The following CYB5R3 variants were observed in gnomAD, a reference collection of about 807,000 sequenced individuals.
CYB5R3 encodes the protein cytochrome b5 reductase 3, also known as NADH-cytochrome b5 reductase 3.
A neutral mutation model predicts 36.5 loss-of-function variants in CYB5R3; 28 were observed. That is an observed-to-expected ratio of 0.77 (90% CI 0.57 to 1.05). The LOEUF (loss-of-function observed/expected upper bound fraction) is 1.05. Among genes scored for constraint, CYB5R3 ranks in the 50% least tolerant of loss-of-function variants. The pLI is 0.00. For missense variants in CYB5R3, 474 were observed against 408.9 expected, an observed-to-expected ratio of 1.16 and a Z score of -1.37; for synonymous variants, 181 against 159.8, an observed-to-expected ratio of 1.13 and a Z score of -1.00.
rs12171176 is a variant in CYB5R3 at position 42,638,963 on chromosome 22, G to A, written c.22-2117C>T. 3.8e-4 allele frequency: 137 copies of A among 358,448 alleles called. No homozygotes were observed. The East Asian group carries it at 4.9e-3, about 13-fold the overall frequency. The allele number at this position is 358,448 out of a possible 1,614,324, so 22.2% of individuals were successfully genotyped here. A position where few individuals can be genotyped will look rare whatever the true frequency, so the allele number is the denominator to read the frequency against. ...GCAGGAGAAATGCTTGAAGCTAGGA[G>A]ATGGAGGTTGCAGTGAGCCGAGATC... On this transcript the variant is annotated intron_variant, in intron 1 of 8. Coordinates refer to ENST00000352397, the MANE Select transcript of CYB5R3 (RefSeq NM_000398.7).
chr22:42,623,735 T>C (rs1928109473), intron 8 of CYB5R3, 54 bp downstream of exon 8: 1 of 1,460,374 alleles, frequency 6.8e-7, no homozygotes, highest in African/African-American at 1.4e-5. Context: ...TGGGCAAAGG[T>C]GAACTGTGGG....
At chr22:42,645,025 G>A (rs896981956) in intron 1 of CYB5R3, among the ~76,000 whole-genome samples, 1 of 152,150 alleles carries the variant, frequency 6.6e-6, no homozygotes, top group African/African-American at 2.4e-5. Flanking sequence ...CTGATTTTCT[G>A]TTGCTTTCCC....
In CYB5R3 at chr22:42,628,186, C is replaced by T. The variant is rs1246723828; in HGVS notation, c.429G>A (p.Arg143=). 1.9e-6 allele frequency: 3 copies of T among 1,614,138 alleles called. No individual in the cohort carries two copies. Among genetic ancestry groups the T allele is most frequent in the Middle Eastern group, 1.6e-4 (1 of 6,062 alleles). The change falls in exon 5 of 9, where the codon CGG becomes CGA. Residue 143 remains arginine, a synonymous_variant. Coordinates refer to ENST00000352397, the MANE Select transcript of CYB5R3 (RefSeq NM_000398.7). ...SMQIGDTIEF[R]GPSGLLVYQG... is the part of the protein sequence containing the mutation. ...GGTAGACCAGCAGCCCACTGGGGCC[C>T]CGGAACTCAATGGTGTCTCCAATCT...
intron 1 of CYB5R3, among the ~76,000 whole-genome samples, chr22:42,639,255 C>T (rs1344409543): frequency 2.1e-5 from 3 of 143,286 alleles, no homozygotes; most frequent in Non-Finnish European, 4.5e-5. Context: ...ACCTGGGAGG[C>T]GGAGGTAGCA....
intron 1 of CYB5R3, among the ~76,000 whole-genome samples, chr22:42,648,564 G>GGGAC (rs199960666): frequency 0.016 from 2,481 of 152,262 alleles, 64 homozygotes; most frequent in African/African-American, 0.057. Flanking sequence ...GCAGCGTTGT[G>GGGAC]GGACGGTGGC....
chr22:42,625,352 T>C (rs1424638525), intron 7 of CYB5R3, among the ~76,000 whole-genome samples: 4 of 151,876 alleles, frequency 2.6e-5, no homozygotes, highest in African/African-American at 9.7e-5. Flanking sequence ...ACTAAAAATA[T>C]AAAGAATTAG....
chr22:42,629,888 C>T (rs1338000577), intron 4 of CYB5R3, among the ~76,000 whole-genome samples: 1 of 152,140 alleles, frequency 6.6e-6, no homozygotes, highest in Admixed American at 6.5e-5. Context: ...ACCTCTGCCT[C>T]CCAGCTTCAA....
At chr22:42,646,937 G>A (rs1048642194) in intron 1 of CYB5R3, 4 of 985,416 alleles carry the variant, frequency 4.1e-6, no homozygotes, top group Admixed American at 6.2e-5. Flanking sequence ...GGGAGGCAGG[G>A]GAACCACAGT....
intron 8 of CYB5R3, among the ~76,000 whole-genome samples, chr22:42,623,255 G>A (rs1162206329): frequency 2.0e-5 from 3 of 152,218 alleles, no homozygotes; most frequent in Non-Finnish European, 2.9e-5. Flanking sequence ...GAGGTGGGGC[G>A]GCCCTCACTC....
chr22:42,631,300 G>A, intron 3 of CYB5R3, 78 bp downstream of exon 3: 1 of 1,407,518 alleles, frequency 7.1e-7, no homozygotes, highest in Non-Finnish European at 9.8e-7. Flanking sequence ...TGGTGGAAAT[G>A]TAAAGCTTCC....
intron 5 of CYB5R3, 75 bp downstream of exon 5, chr22:42,628,077 C>T (rs1928388365): frequency 1.3e-6 from 2 of 1,596,260 alleles, no homozygotes; most frequent in Admixed American, 1.7e-5. Context: ...GGGGCCTGCA[C>T]CCTGCACCCA....
rs377454431 is a variant in CYB5R3, at chr22:42,619,758, G to C, written c.*15C>G. ...GGGTGCGCGGGGCGGGTGGCCGTGTGACCGTGCCCGGCCCTCAGAAGACGA... is the reference window on the plus strand; with the variant it reads ...GGGTGCGCGGGGCGGGTGGCCGTGTCACCGTGCCCGGCCCTCAGAAGACGA... On this transcript the variant is annotated 3_prime_UTR_variant, in exon 9 of 9. Transcript: ENST00000352397. The C allele has an allele frequency of 1.3e-6, 2 of 1,560,588 alleles. No individual in the cohort carries two copies. The highest frequency in any genetic ancestry group is 1.3e-5 in the African/African-American group (1 of 74,252).
At chr22:42,631,530 T>A in intron 2 of CYB5R3, 80 bp from the exon 3 acceptor site, 1 of 1,227,780 alleles carries the variant, frequency 8.1e-7, no homozygotes, top group South Asian at 1.3e-5. Context: ...GGAGCCCCCA[T>A]CCCATTCCTC....
chr22:42,619,971 T>G (rs78933321), intron 8 of CYB5R3, 26 bp from the exon 9 acceptor site: 20,872 of 1,575,142 alleles, frequency 0.013, 172 homozygotes, highest in Middle Eastern at 0.019. Context: ...CCAGGTAAGC[T>G]GACGTGTGGC....
intron 8 of CYB5R3, among the ~76,000 whole-genome samples, chr22:42,620,531 G>A (rs977108804): frequency 1.3e-5 from 2 of 152,082 alleles, no homozygotes; most frequent in Non-Finnish European, 2.9e-5. Context: ...GAGCGCCCAC[G>A]ATGATATGGC....
chr22:42,631,128 TCCC>T, intron 3 of CYB5R3, 140 bp from the exon 4 acceptor site: 1 of 805,526 alleles, frequency 1.2e-6, no homozygotes, highest in South Asian at 1.5e-5. Context: ...CTCCCACCCC[TCCC>T]GGGGATTCCC....
chr22:42,640,322 A>AC (rs777889137), intron 1 of CYB5R3: 1 of 1,472,458 alleles, frequency 6.8e-7, no homozygotes, highest in South Asian at 1.2e-5. Context: ...GCTGAAGGTC[A>AC]CCCCCCGGAA....
intron 1 of CYB5R3, 186 bp from the exon 2 acceptor site, chr22:42,637,032 G>C: frequency 1.4e-6 from 1 of 717,492 alleles, no homozygotes; most frequent in Admixed American, 2.1e-5. Flanking sequence ...ATAAAGACCA[G>C]CCTCATGACA....
At chr22:42,624,751 A>G (rs1384515568) in intron 7 of CYB5R3, among the ~76,000 whole-genome samples, 1 of 152,058 alleles carries the variant, frequency 6.6e-6, no homozygotes, top group African/African-American at 2.4e-5. Flanking sequence ...GCTGCCACCC[A>G]GAAAGGGCTG....
Sources: allele counts gnomAD v4.1 joint callset (sites outside exome capture counted in the v4.1 genomes callset), GRCh38; gene constraint gnomAD v4.1.1; transcripts MANE v1.5; gene names NCBI Gene and HGNC (gene_info 2026-07-23, HGNC 2026-07-21).